WDR86: variants seen among roughly 807,000 people sequenced by gnomAD.
WDR86 encodes WD repeat-containing protein 86.
A neutral mutation model predicts 36.5 loss-of-function variants in WDR86; 30 were observed. That is an observed-to-expected ratio of 0.82 (90% CI 0.61 to 1.11). The LOEUF (loss-of-function observed/expected upper bound fraction) is 1.11, where lower values mean the gene tolerates loss of function less well. Ranked by LOEUF, WDR86 falls within the 50% of genes most tolerant of loss-of-function variation. The pLI is 0.00. For missense variants in WDR86, 545 were observed against 561.2 expected (o/e 0.97, Z 0.29); for synonymous variants, 255 against 252.9 (o/e 1.01, Z -0.08).
chr7:151,396,790 C>T (rs572075950), intron 2 of WDR86, among the ~76,000 whole-genome samples: 41 of 152,288 alleles, frequency 2.7e-4, no homozygotes, highest in African/African-American at 7.9e-4. Flanking sequence ...CCAGGGGTCA[C>T]GCTACAGCCA....
At chr7:151,374,886 G>A (rs1048404654), downstream of WDR86, among the ~76,000 whole-genome samples, 5 of 152,198 alleles carry the variant, frequency 3.3e-5, no homozygotes, top group East Asian at 9.6e-4. Context: ...CACGTGGTGA[G>A]GGGTCCCGAG....
chr7:151,376,898 A>C, downstream of WDR86: 1 of 1,466,200 alleles, frequency 6.8e-7, no homozygotes, highest in Non-Finnish European at 9.1e-7. Flanking sequence ...GCAGATGTGG[A>C]GACTGAGGGG....
At chr7:151,408,304 C>A (rs1361426664) in intron 1 of WDR86, among the ~76,000 whole-genome samples, 1 of 148,418 alleles carries the variant, frequency 6.7e-6, no homozygotes, top group Non-Finnish European at 1.5e-5. Context: ...TCAAGTGATT[C>A]TCCTGCCTCA....
At chr7:151,370,322 C>G in the WDR86 span, among the ~76,000 whole-genome samples, 1 of 152,118 alleles carries the variant, frequency 6.6e-6, no homozygotes, top group Admixed American at 6.5e-5. Flanking sequence ...CTCCTGACCT[C>G]AAGTGATCCT....
At position 151,382,011 on chromosome 7, in the gene WDR86, C is replaced by G. The variant is rs777938193; in HGVS notation, c.863-30G>C. 3 of 1,559,638 alleles carry G rather than the reference C, an allele frequency of 1.9e-6. No individual in the cohort carries two copies. In the East Asian group the frequency reaches 7.1e-5, roughly 37 times the overall value. On this transcript the variant is annotated intron_variant, in intron 4 of 5. Transcript: ENST00000334493. ...GGACACACAGCGCGCGCTGGGCCTC[C>G]CTCCCTGCTCGGCCCCCCGCAAGCA...
chr7:151,402,498 C>A (rs568482113), intron 1 of WDR86, among the ~76,000 whole-genome samples: 178 of 152,284 alleles, frequency 1.2e-3, no homozygotes, highest in Non-Finnish European at 2.4e-3. Flanking sequence ...GGGCTCGGCA[C>A]CCCACTGGCA....
At chr7:151,402,004 C>T (rs1470593431) in intron 1 of WDR86, among the ~76,000 whole-genome samples, 14 of 132,120 alleles carry the variant, frequency 1.1e-4, no homozygotes, top group African/African-American at 4.1e-4. Flanking sequence ...GCTGAGGTTG[C>T]ACCACTGCAC....
In WDR86 at chr7:151,382,117, T is replaced by C. The variant is rs1223625754; in HGVS notation, c.863-136A>G. 9.9e-6 allele frequency: 7 copies of C among 709,280 alleles called. No homozygotes were observed. The East Asian group carries it at 1.1e-4, about 11-fold the overall frequency. 43.9% of individuals were successfully genotyped at this position (709,280 alleles called of 1,614,324 possible). On this transcript the variant is annotated intron_variant, in intron 4 of 5. Transcript: ENST00000334493. ...GGTATCCTGAGGCTCATATGGGAAGTGGACAGTGCCCCTCCAGAGAAACGG... is the reference window on the plus strand; with the variant it reads ...GGTATCCTGAGGCTCATATGGGAAGCGGACAGTGCCCCTCCAGAGAAACGG...
chr7:151,392,159 C>G (rs1027270723), intron 3 of WDR86, among the ~76,000 whole-genome samples: 1 of 152,188 alleles, frequency 6.6e-6, no homozygotes, highest in African/African-American at 2.4e-5. Context: ...AAGAGTGGAC[C>G]TCCCGGACCC....
Position 151,381,859 on chromosome 7 carries a change from G to A in WDR86, c.966+19C>T. The A allele has an allele frequency of 6.3e-7, 1 of 1,596,406 alleles. No individual in the cohort carries two copies. The highest frequency in any genetic ancestry group is 8.5e-7 in the Non-Finnish European group (1 of 1,171,976). On this transcript the variant is annotated intron_variant, in intron 5 of 5. Coordinates refer to ENST00000334493, the MANE Select transcript of WDR86 (RefSeq NM_198285.3). The surrounding 1 kb of genome is among the most constrained non-coding windows in gnomAD (Gnocchi z 4.8). Reference sequence around the variant, plus strand: ...TCCCTCCCACGGGCGGCGGCCCCGAGAAGGGCAGAGGGACCTACCTGGATG... The same window carrying A: ...TCCCTCCCACGGGCGGCGGCCCCGAAAAGGGCAGAGGGACCTACCTGGATG...
chr7:151,381,974 C>G lies in WDR86; in HGVS notation c.870G>C (p.Thr290=). The change falls in exon 5 of 6, where the codon ACG becomes ACC. Residue 290 remains threonine (T), a synonymous_variant. Transcript: ENST00000334493. The surrounding 1 kb of genome is among the most constrained non-coding windows in gnomAD (Gnocchi z 4.8). The part of the protein sequence containing the change: ...ALKYHAGTLF[T]GSGDACARAF... ...CCCGGGCGCAAGCGTCCCCGCTGCC[C>G]GTGAACACTGCGGACACACAGCGCG... is the stretch of plus-strand genomic sequence containing the variant. The G allele has an allele frequency of 6.2e-7, 1 of 1,602,130 alleles. No individual in the cohort carries two copies. The highest frequency in any genetic ancestry group is 8.5e-7 in the Non-Finnish European group (1 of 1,175,300).
chr7:151,383,572 T>C (rs1798763620), intron 4 of WDR86, among the ~76,000 whole-genome samples: 1 of 152,120 alleles, frequency 6.6e-6, no homozygotes, highest in African/African-American at 2.4e-5. Flanking sequence ...CCGCCTTGGC[T>C]TCCCAAAGTG....
chr7:151,398,378 ATGTG>A (rs1208246278), intron 2 of WDR86, among the ~76,000 whole-genome samples: 5 of 151,260 alleles, frequency 3.3e-5, no homozygotes, highest in Non-Finnish European at 7.4e-5. Context: ...GCACATGTGT[ATGTG>A]TAAGTTGTGT....
At position 151,381,385 on chromosome 7, in the gene WDR86, A is replaced by G; in HGVS notation, c.*197T>C. ...TAAAAGGGAAAAGGGGGCGGTCCCC[A>G]GGGCGAGCACTCCCGCTCCCAGCGC... On this transcript the variant is annotated 3_prime_UTR_variant, in exon 6 of 6. Transcript: ENST00000334493. This position sits in a 1 kb window ranked among gnomAD's most constrained non-coding sequence, Gnocchi z 4.8. 6.9e-7 allele frequency: 1 copy of G among 1,458,234 alleles called. No individual in the cohort carries two copies. Among genetic ancestry groups the G allele is most frequent in the Non-Finnish European group, 9.0e-7 (1 of 1,115,592 alleles). The allele number at this position is 1,458,234 out of a possible 1,614,324, so 90.3% of individuals were successfully genotyped here.
chr7:151,405,687 T>C lies in WDR86; in HGVS notation c.163+3740A>G, dbSNP rs1800656028. Among the ~76,000 whole-genome samples the C allele has an allele frequency of 6.6e-6, 1 of 152,196 alleles. No homozygotes were observed. Among genetic ancestry groups the C allele is most frequent in the Non-Finnish European group, 1.5e-5 (1 of 68,036 alleles). ...GGAGCGGTCAGTTGCCCCCAAGCTGTGTGAGGCTGCTGTGGCTCTTGTCAC... is the reference window on the plus strand; with the variant it reads ...GGAGCGGTCAGTTGCCCCCAAGCTGCGTGAGGCTGCTGTGGCTCTTGTCAC... On this transcript the variant is annotated intron_variant, in intron 1 of 5. Coordinates refer to ENST00000334493, the MANE Select transcript of WDR86 (RefSeq NM_198285.3). This position sits in a 1 kb window ranked among gnomAD's most constrained non-coding sequence, Gnocchi z 4.7.
intron 2 of WDR86, among the ~76,000 whole-genome samples, chr7:151,397,356 A>T (rs1563058724): frequency 6.6e-6 from 1 of 152,216 alleles, no homozygotes; most frequent in Admixed American, 6.5e-5. Flanking sequence ...CTCCACTCAA[A>T]TGCCAACTAT....
intron 2 of WDR86, among the ~76,000 whole-genome samples, chr7:151,397,104 AGAG>A (rs1799877625): frequency 6.6e-6 from 1 of 152,226 alleles, no homozygotes; most frequent in Non-Finnish European, 1.5e-5. Context: ...GCACCTCAGG[AGAG>A]GAGACCGCCA....
the WDR86 span, among the ~76,000 whole-genome samples, chr7:151,369,548 C>T: frequency 6.6e-6 from 1 of 152,138 alleles, no homozygotes; most frequent in Non-Finnish European, 1.5e-5. Flanking sequence ...TATGAAAGCA[C>T]AGGTTAAAAA....
rs1248863574 is a variant in WDR86 at position 151,388,260 on chromosome 7, G to A, written c.727-3037C>T. On this transcript the variant is annotated intron_variant, in intron 3 of 5. Transcript: ENST00000334493. The surrounding 1 kb of genome is among the most constrained non-coding windows in gnomAD (Gnocchi z 4.2). ...AATGTTGCTATCTGATTTCAAAACT[G>A]GGTGCATAGGTGTCTGTTTTAGTTA... 1.3e-5 allele frequency among the ~76,000 whole-genome samples: 2 copies of A among 152,238 alleles called. No individual in the cohort carries two copies. The highest frequency in any genetic ancestry group is 2.9e-5 in the Non-Finnish European group (2 of 68,044).
Sources: gnomAD v4.1 joint callset for allele counts (sites outside exome capture counted in the v4.1 genomes callset) on GRCh38, gnomAD v4.1.1 for gene constraint, Gnocchi (gnomAD v3.1) non-coding constraint, MANE v1.5 for transcripts, NCBI Gene and HGNC (gene_info 2026-07-23, HGNC 2026-07-21) for gene names.